RGS6: variants seen among roughly 807,000 people sequenced by gnomAD.
RGS6 encodes regulator of G protein signaling 6.
RGS6 carries 30 observed loss-of-function variants against 78.5 expected under a neutral mutation model. That is an observed-to-expected ratio of 0.38 (90% CI 0.29 to 0.52). RGS6 has a LOEUF of 0.52. Among genes scored for constraint, RGS6 ranks in the 20% least tolerant of loss-of-function variants. The pLI, the probability that RGS6 is intolerant of heterozygous loss-of-function variation, is 0.85. For synonymous variants in RGS6, 206 were observed against 206.0 expected (o/e 1.00, Z 0.00); for missense variants, 495 against 609.7 (o/e 0.81, Z 1.98).
chr14:72,063,842 A>G (rs2094007075), intron 2 of RGS6, among the ~76,000 whole-genome samples: 1 of 152,066 alleles, frequency 6.6e-6, no homozygotes, highest in South Asian at 2.1e-4. Flanking sequence ...TTTCTAAGAA[A>G]TAGAATCAAG....
intron 8 of RGS6, among the ~76,000 whole-genome samples, chr14:72,470,708 C>T (rs919031735): frequency 6.6e-6 from 1 of 151,922 alleles, no homozygotes; most frequent in African/African-American, 2.4e-5. Context: ...GGTGAAACCC[C>T]GTCTCTACTA....
chr14:72,396,902 A>G (rs2091431217), intron 3 of RGS6, among the ~76,000 whole-genome samples: 1 of 152,116 alleles, frequency 6.6e-6, no homozygotes, highest in East Asian at 1.9e-4. Flanking sequence ...CCATTGGTCT[A>G]TATCTCTGTT....
rs373254202 is a variant in RGS6 at position 72,261,569 on chromosome 14, A to T, written c.85-90526A>T. Among the ~76,000 whole-genome samples the T allele has an allele frequency of 2.6e-5, 4 of 152,308 alleles. 1 individual carries two copies. The highest frequency in any genetic ancestry group is 9.6e-5 in the African/African-American group (4 of 41,556). ...CTGCAGGGAATGGAGATCCACTGGA[A>T]CAAGTCAAAGATAATAATAATGAGA... On this transcript the variant is annotated intron_variant, in intron 2 of 17. Coordinates refer to ENST00000553525, the MANE Select transcript of RGS6 (RefSeq NM_001204424.2).
At chr14:72,197,825 C>T (rs2153731551) in intron 2 of RGS6, among the ~76,000 whole-genome samples, 1 of 152,152 alleles carries the variant, frequency 6.6e-6, no homozygotes, top group East Asian at 1.9e-4. Flanking sequence ...TGAGGTCCTT[C>T]AGGGATCACT....
intron 2 of RGS6, among the ~76,000 whole-genome samples, chr14:72,189,307 G>A (rs988298436): frequency 7.9e-5 from 12 of 152,152 alleles, no homozygotes; most frequent in African/African-American, 2.2e-4. Flanking sequence ...TAGTATGTTA[G>A]GCCTTGTCCT....
the RGS6 span, among the ~76,000 whole-genome samples, chr14:71,892,385 G>A: frequency 3.9e-5 from 6 of 152,258 alleles, no homozygotes; most frequent in East Asian, 5.8e-4. Context: ...AGATGGATAC[G>A]GCCTTCCTAC....
chr14:71,894,127 G>A, the RGS6 span, among the ~76,000 whole-genome samples: 17 of 152,028 alleles, frequency 1.1e-4, no homozygotes, highest in African/African-American at 2.7e-4. Flanking sequence ...TTGTCCCTCC[G>A]ATTGTCAGAG....
chr14:71,956,318 G>A (rs545621283), intron 1 of RGS6, among the ~76,000 whole-genome samples: 72 of 144,612 alleles, frequency 5.0e-4, no homozygotes, highest in Admixed American at 1.9e-3. Flanking sequence ...TCCCTAGAGG[G>A]ACAGAACTAA....
chr14:72,459,520 A>G (rs1388119817), intron 5 of RGS6, 112 bp from the exon 6 acceptor site: 7 of 942,612 alleles, frequency 7.4e-6, no homozygotes, highest in African/African-American at 3.2e-5. Context: ...GGGTAGCATC[A>G]GCAAGAAGGA....
intron 2 of RGS6, among the ~76,000 whole-genome samples, chr14:72,262,267 C>G (rs911160316): frequency 6.6e-6 from 1 of 152,198 alleles, no homozygotes; most frequent in African/African-American, 2.4e-5. Context: ...AAGCAAGTAC[C>G]ACAGACTGGG....
chr14:72,611,259 C>T, the RGS6 span, among the ~76,000 whole-genome samples: 12 of 152,332 alleles, frequency 7.9e-5, no homozygotes, highest in African/African-American at 2.9e-4. Flanking sequence ...CTGGCTGTGA[C>T]ACGTGTGGAG....
rs554271465 is a variant in RGS6, at chr14:72,165,494, C to A, written c.85-186601C>A. 1.8e-4 allele frequency among the ~76,000 whole-genome samples: 28 copies of A among 152,342 alleles called. No homozygotes were observed. In the South Asian group the frequency reaches 1.9e-3, roughly 10 times the overall value. ...TAGCCAACATCTTTCTCCTAGCTCA[C>A]AATTCAAAAGCGCATTGCTGGGATT... On this transcript the variant is annotated intron_variant, in intron 2 of 17. Transcript: ENST00000553525.
intron 2 of RGS6, among the ~76,000 whole-genome samples, chr14:72,060,412 C>T (rs1189164075): frequency 1.4e-5 from 2 of 141,282 alleles, no homozygotes; most frequent in Non-Finnish European, 3.0e-5. Context: ...TTTTATGTAA[C>T]CTGAGCTATA....
intron 2 of RGS6, among the ~76,000 whole-genome samples, chr14:72,113,109 C>G (rs1005749209): frequency 2.0e-5 from 3 of 151,896 alleles, no homozygotes; most frequent in Admixed American, 2.0e-4. Context: ...CACATGCACA[C>G]ACACACCCCA....
chr14:71,872,260 C>T, the RGS6 span, among the ~76,000 whole-genome samples: 3 of 152,186 alleles, frequency 2.0e-5, no homozygotes, highest in Non-Finnish European at 2.9e-5. Flanking sequence ...AGAACTGATT[C>T]GGTGACTCAG....
At chr14:72,458,457 C>T (rs2095689794) in intron 5 of RGS6, 80 bp downstream of exon 5, 1 of 1,133,028 alleles carries the variant, frequency 8.8e-7, no homozygotes, top group Non-Finnish European at 1.3e-6. Context: ...ACAAAGAAAA[C>T]CTAGGGATAT....
intron 2 of RGS6, among the ~76,000 whole-genome samples, chr14:72,326,256 T>C (rs903384713): frequency 6.6e-6 from 1 of 152,226 alleles, no homozygotes; most frequent in African/African-American, 2.4e-5. Flanking sequence ...AACAAAGTGC[T>C]GACAGCATCA....
intron 13 of RGS6, among the ~76,000 whole-genome samples, chr14:72,505,610 C>T (rs902109275): frequency 6.6e-6 from 1 of 152,174 alleles, no homozygotes; most frequent in Non-Finnish European, 1.5e-5. Flanking sequence ...TTGATTGAGG[C>T]AAATGTAGTA....
chr14:72,518,092 T>C (rs565973968), intron 14 of RGS6, among the ~76,000 whole-genome samples: 1 of 152,340 alleles, frequency 6.6e-6, no homozygotes, highest in African/African-American at 2.4e-5. Flanking sequence ...GAAACCTTCA[T>C]GTAGAAGGAG....
Sources: allele counts gnomAD v4.1 joint callset (sites outside exome capture counted in the v4.1 genomes callset), GRCh38; gene constraint gnomAD v4.1.1; transcripts MANE v1.5; gene names NCBI Gene and HGNC (gene_info 2026-07-23, HGNC 2026-07-21).